TNRC18: variants seen among roughly 807,000 people sequenced by gnomAD.
TNRC18 encodes the protein trinucleotide repeat containing 18.
A neutral mutation model predicts 226.7 loss-of-function variants in TNRC18; 69 were observed. That is an observed-to-expected ratio of 0.30 (90% CI 0.25 to 0.37). The LOEUF is 0.37. Ranked by LOEUF, TNRC18 falls within the 10% of genes least tolerant of loss-of-function variation. TNRC18 has a pLI of 1.00. For missense variants in TNRC18, 4,754 were observed against 4,256.6 expected (o/e 1.12, Z -3.25); for synonymous variants, 2,449 against 1,927.6 (o/e 1.27, Z -7.09).
At chr7:5,403,824 G>C (rs924907445) in intron 2 of TNRC18, among the ~76,000 whole-genome samples, 1 of 151,458 alleles carries the variant, frequency 6.6e-6, no homozygotes, top group Non-Finnish European at 1.5e-5. Flanking sequence ...CCCTTAAAAT[G>C]TCAACAGACT....
chr7:5,386,075 T>C (rs1779766187), intron 5 of TNRC18, among the ~76,000 whole-genome samples: 1 of 147,162 alleles, frequency 6.8e-6, no homozygotes, highest in Admixed American at 6.9e-5. Context: ...TCACTTGAGG[T>C]CAGGAGTTTG....
Position 5,389,137 on chromosome 7 carries a change from G to A in TNRC18, c.687C>T (p.Gly229=), listed in dbSNP as rs1426098258. 2.3e-5 allele frequency: 30 copies of A among 1,318,212 alleles called. No homozygotes were observed. The highest frequency in any genetic ancestry group is 2.8e-5 in the Non-Finnish European group (29 of 1,034,034). The allele number at this position is 1,318,212 out of a possible 1,614,324, so 81.7% of individuals were successfully genotyped here. A position where few individuals can be genotyped will look rare whatever the true frequency, so the allele number is the denominator to read the frequency against. ...LFGKKDPRAR[G]EEASGPRGVV... is the part of the protein sequence containing the mutation. ...CGCCCCGTGGCCCCGAGGCCTCCTC[G>A]CCCCGGGCGCGCGGGTCCTTCTTGC... The change falls in exon 5 of 30, where the codon GGC becomes GGT. Residue 229 remains glycine (G), a synonymous_variant. Transcript: ENST00000430969.
intron 5 of TNRC18, among the ~76,000 whole-genome samples, chr7:5,385,989 A>AC (rs1388836352): frequency 7.0e-6 from 1 of 142,824 alleles, no homozygotes; most frequent in African/African-American, 2.6e-5. Flanking sequence ...TCTCAAAAAA[A>AC]AAAAAAAAAA....
chr7:5,363,176 G>A (rs891675841), intron 11 of TNRC18, among the ~76,000 whole-genome samples: 4 of 152,110 alleles, frequency 2.6e-5, no homozygotes, highest in African/African-American at 9.7e-5. Flanking sequence ...AGTGGCACAC[G>A]CCTGGAATCC....
At chr7:5,375,073 G>A (rs1794524536) in intron 9 of TNRC18, among the ~76,000 whole-genome samples, 1 of 152,208 alleles carries the variant, frequency 6.6e-6, no homozygotes, top group Non-Finnish European at 1.5e-5. Context: ...ACTTTGGGAG[G>A]CCAAGGCGGG....
Position 5,389,315 on chromosome 7 carries a change from G to A in TNRC18, c.509C>T (p.Ala170Val), listed in dbSNP as rs1420460609. Reference protein sequence around the residue: ...PGGDGFYLPTAGAPGSLHSHA... With the variant: ...PGGDGFYLPTVGAPGSLHSHA... ...AGAGTGCAGGGAGCCCGGAGCCCCCGCGGTGGGCAGGTAGAAACCGTCTGC... is the reference window on the plus strand; with the variant it reads ...AGAGTGCAGGGAGCCCGGAGCCCCCACGGTGGGCAGGTAGAAACCGTCTGC... The change falls in exon 5 of 30, where the codon GCG becomes GTG. Residue 170 changes from alanine (A) to valine (V), a missense_variant. Physicochemically the swap from Ala to Val is moderately conservative, Grantham distance 64. Transcript: ENST00000430969. 2.3e-6 allele frequency: 3 copies of A among 1,279,262 alleles called. No homozygotes were observed. Among genetic ancestry groups the A allele is most frequent in the Non-Finnish European group, 3.0e-6 (3 of 1,013,150 alleles). The allele number at this position is 1,279,262 out of a possible 1,614,324, so 79.2% of individuals were successfully genotyped here. A position where few individuals can be genotyped will look rare whatever the true frequency, so the allele number is the denominator to read the frequency against.
In TNRC18 at chr7:5,394,250, A is replaced by G. The variant is rs1404367156; in HGVS notation, c.343+190T>C. ...GTGTCAGGCTGAAAGGAGAGGAAAC[A>G]GCTCATACAAATGCCCTGTGACAGT... On this transcript the variant is annotated intron_variant, in intron 3 of 29. Transcript: ENST00000430969. This position sits in a 1 kb window ranked among gnomAD's most constrained non-coding sequence, Gnocchi z 4.5. Among the ~76,000 whole-genome samples, 1 of 152,172 alleles carries G rather than the reference A, an allele frequency of 6.6e-6. No homozygotes were observed. Among genetic ancestry groups the G allele is most frequent in the African/African-American group, 2.4e-5 (1 of 41,434 alleles).
In TNRC18 at chr7:5,322,543, C is replaced by T. The variant is rs1257762904; in HGVS notation, c.6443-1353G>A. ...CTGGTCTCAAGTGATCCTCCCACCT[C>T]GGCCCCCCAAAGCACTGGGATTACA... On this transcript the variant is annotated intron_variant, in intron 21 of 29. Transcript: ENST00000430969. Among the ~76,000 whole-genome samples, 6 of 152,320 alleles carry T rather than the reference C, an allele frequency of 3.9e-5. No individual in the cohort carries two copies. The South Asian group carries it at 6.2e-4, about 16-fold the overall frequency.
chr7:5,313,937 G>A, intron 26 of TNRC18, 74 bp from the exon 27 acceptor site: 1 of 1,364,072 alleles, frequency 7.3e-7, no homozygotes, highest in Non-Finnish European at 9.5e-7. Flanking sequence ...TTATCAGAAA[G>A]GCCTGCTTCT....
intron 17 of TNRC18, among the ~76,000 whole-genome samples, chr7:5,346,359 A>C (rs1008717699): frequency 6.6e-6 from 1 of 152,150 alleles, no homozygotes; most frequent in Admixed American, 6.5e-5. Flanking sequence ...GGGGACCCCC[A>C]TGGTTTCAGC....
chr7:5,356,825 AGGGGCGGG>A (rs1298494988), intron 16 of TNRC18, 83 bp downstream of exon 16: 1 of 1,086,302 alleles, frequency 9.2e-7, no homozygotes, highest in Non-Finnish European at 1.2e-6. Flanking sequence ...AGAGAGAGTG[AGGGGCGGG>A]GGGGGAAGGA....
intron 24 of TNRC18, 136 bp downstream of exon 24, chr7:5,320,182 G>A (rs1788204917): frequency 8.8e-6 from 6 of 680,948 alleles, no homozygotes; most frequent in Middle Eastern, 4.1e-4. Flanking sequence ...AATCATGCCT[G>A]AAGGCCATAC....
At chr7:5,325,284 G>C (rs1367554297) in intron 19 of TNRC18, 36 bp from the exon 20 acceptor site, 1 of 1,539,580 alleles carries the variant, frequency 6.5e-7, no homozygotes, top group African/African-American at 1.4e-5. Flanking sequence ...GCCATCAAAC[G>C]GCAGGGAAAG....
chr7:5,392,471 A>G (rs1298360952), intron 3 of TNRC18, among the ~76,000 whole-genome samples: 1 of 151,458 alleles, frequency 6.6e-6, no homozygotes, highest in Non-Finnish European at 1.5e-5. Flanking sequence ...AAAATTAGCC[A>G]GGCGTGGTGG....
intron 3 of TNRC18, among the ~76,000 whole-genome samples, chr7:5,391,068 G>A (rs1358948616): frequency 6.6e-6 from 1 of 152,076 alleles, no homozygotes; most frequent in East Asian, 1.9e-4. Context: ...CGAGACCATC[G>A]AACCCTGCAG....
chr7:5,366,273 C>CA (rs1793608164), intron 11 of TNRC18, among the ~76,000 whole-genome samples: 1 of 134,370 alleles, frequency 7.4e-6, no homozygotes. Context: ...CCTGGGGGGA[C>CA]AAAATCATCC....
chr7:5,335,379 T>C (rs188644917), intron 18 of TNRC18, among the ~76,000 whole-genome samples: 123 of 148,442 alleles, frequency 8.3e-4, no homozygotes, highest in Non-Finnish European at 1.6e-3. Flanking sequence ...GGAGGCCAAT[T>C]TGGGCAGATC....
At chr7:5,393,408 T>C (rs1780438965) in intron 3 of TNRC18, among the ~76,000 whole-genome samples, 1 of 152,214 alleles carries the variant, frequency 6.6e-6, no homozygotes, top group Non-Finnish European at 1.5e-5. Context: ...TGGGGTCCTG[T>C]GACTAGAGAC....
intron 18 of TNRC18, among the ~76,000 whole-genome samples, chr7:5,342,956 A>T (rs1334651893): frequency 6.6e-6 from 1 of 152,182 alleles, no homozygotes; most frequent in Non-Finnish European, 1.5e-5. Context: ...TCGAGGCAAG[A>T]CCCACCATCA....
Sources: gnomAD v4.1 joint callset for allele counts (sites outside exome capture counted in the v4.1 genomes callset) on GRCh38, gnomAD v4.1.1 for gene constraint, Gnocchi (gnomAD v3.1) non-coding constraint, MANE v1.5 for transcripts, NCBI Gene and HGNC (gene_info 2026-07-23, HGNC 2026-07-21) for gene names.